The following SGK3 variants were observed in gnomAD, a reference collection of about 807,000 sequenced individuals.
SGK3 encodes serine/threonine-protein kinase Sgk3.
Under a neutral mutation model 68.5 loss-of-function variants are expected in SGK3, and 47 were observed. That is an observed-to-expected ratio of 0.69 (90% CI 0.54 to 0.87). SGK3 has a LOEUF of 0.87. Ranked by LOEUF, SGK3 falls within the 40% of genes least tolerant of loss-of-function variation. The pLI is 0.00. For synonymous variants in SGK3, 181 were observed against 189.1 expected, an observed-to-expected ratio of 0.96 and a Z score of 0.35; for missense variants, 479 against 575.5, an observed-to-expected ratio of 0.83 and a Z score of 1.72.
chr8:66,766,350 C>G (rs1259354942), intron 1 of SGK3, among the ~76,000 whole-genome samples: 2 of 152,018 alleles, frequency 1.3e-5, no homozygotes, highest in African/African-American at 4.8e-5. Flanking sequence ...TGGCAAAACC[C>G]TGTCTCTACT....
chr8:66,753,588 GC>G (rs1354136209), intron 1 of SGK3, among the ~76,000 whole-genome samples: 3 of 152,176 alleles, frequency 2.0e-5, no homozygotes, highest in Non-Finnish European at 4.4e-5. Flanking sequence ...ACTTTGGGAG[GC>G]CCAGGAGGGT....
At chr8:66,768,905 C>T (rs1806412536) in intron 1 of SGK3, among the ~76,000 whole-genome samples, 1 of 152,140 alleles carries the variant, frequency 6.6e-6, no homozygotes. Flanking sequence ...AATATGCTGA[C>T]ATTTTTACCT....
At chr8:66,783,933 A>C (rs1807094502) in intron 1 of SGK3, among the ~76,000 whole-genome samples, 1 of 152,096 alleles carries the variant, frequency 6.6e-6, no homozygotes, top group Non-Finnish European at 1.5e-5. Context: ...TCTGTTGCCC[A>C]GGCTGGAGTG....
intron 10 of SGK3, among the ~76,000 whole-genome samples, chr8:66,839,126 T>C (rs1172104675): frequency 6.6e-6 from 1 of 152,014 alleles, no homozygotes; most frequent in African/African-American, 2.4e-5. Flanking sequence ...AACCCTGTCA[T>C]CCCTGCATTT....
chr8:66,765,063 T>G (rs1367712842), intron 1 of SGK3, among the ~76,000 whole-genome samples: 1 of 152,204 alleles, frequency 6.6e-6, no homozygotes, highest in Non-Finnish European at 1.5e-5. Flanking sequence ...TTCAGTTTTT[T>G]GGGGGTATAT....
At chr8:66,721,331 A>C (rs1451906206) in intron 1 of SGK3, among the ~76,000 whole-genome samples, 1 of 152,174 alleles carries the variant, frequency 6.6e-6, no homozygotes, top group African/African-American at 2.4e-5. Context: ...GCTCTCTGAG[A>C]GTTTGCTCTC....
intron 1 of SGK3, among the ~76,000 whole-genome samples, chr8:66,783,963 C>G (rs974242552): frequency 6.6e-6 from 1 of 152,138 alleles, no homozygotes; most frequent in Non-Finnish European, 1.5e-5. Flanking sequence ...AATCTCAAGG[C>G]TAGCTGTAAT....
chr8:66,779,580 A>G (rs1806878507), intron 1 of SGK3, among the ~76,000 whole-genome samples: 1 of 134,242 alleles, frequency 7.4e-6, no homozygotes, highest in African/African-American at 2.7e-5. Context: ...ATATATATAT[A>G]TATATATATA....
intron 1 of SGK3, among the ~76,000 whole-genome samples, chr8:66,717,772 C>G (rs1179361160): frequency 6.6e-6 from 1 of 152,096 alleles, no homozygotes; most frequent in Non-Finnish European, 1.5e-5. Context: ...GGCATGATCT[C>G]AGCTCACTGC....
At chr8:66,742,682 A>G (rs1805516922) in intron 1 of SGK3, among the ~76,000 whole-genome samples, 1 of 152,160 alleles carries the variant, frequency 6.6e-6, no homozygotes, top group South Asian at 2.1e-4. Flanking sequence ...TTTTTAATTT[A>G]TGTAATTTTT....
chr8:66,859,310 G>T, intron 16 of SGK3, 101 bp from the exon 17 acceptor site: 1 of 1,321,206 alleles, frequency 7.6e-7, no homozygotes, highest in Non-Finnish European at 9.8e-7. Flanking sequence ...TGCCAGCCCA[G>T]GTGGCAGTGT....
chr8:66,844,067 C>T (rs1257951392), intron 14 of SGK3, among the ~76,000 whole-genome samples: 1 of 147,812 alleles, frequency 6.8e-6, no homozygotes, highest in African/African-American at 2.5e-5. Flanking sequence ...AATTGTTTCT[C>T]TGCTATTCTA....
Position 66,843,566 on chromosome 8 carries a change from C to T in SGK3, c.1074+19C>T, listed in dbSNP as rs748499335. On this transcript the variant is annotated intron_variant, in intron 14 of 16. Transcript: ENST00000521198. ...TGGATTGGTATGTATTTCTATACCTCATTATTCCAATGTATTATCATTGAT... is the reference window on the plus strand; with the variant it reads ...TGGATTGGTATGTATTTCTATACCTTATTATTCCAATGTATTATCATTGAT... 2 of 1,595,026 alleles carry T rather than the reference C, an allele frequency of 1.3e-6. No homozygotes were observed. The highest frequency in any genetic ancestry group is 4.5e-5 in the East Asian group (2 of 44,732).
intron 1 of SGK3, among the ~76,000 whole-genome samples, chr8:66,754,992 G>C (rs560202160): frequency 3.3e-5 from 5 of 152,242 alleles, no homozygotes; most frequent in South Asian, 4.1e-4. Flanking sequence ...GGCGTGGTGG[G>C]TCATGCCTGT....
intron 13 of SGK3, among the ~76,000 whole-genome samples, chr8:66,841,748 C>T (rs1190009946): frequency 6.6e-6 from 1 of 152,080 alleles, no homozygotes. Context: ...AAACAAATCA[C>T]AAATCAGAAT....
chr8:66,725,027 C>G (rs968957243), intron 1 of SGK3, among the ~76,000 whole-genome samples: 6 of 152,096 alleles, frequency 3.9e-5, no homozygotes, highest in Non-Finnish European at 7.4e-5. Context: ...GAGATCGAGA[C>G]CATCCTGGCT....
In SGK3 at chr8:66,859,872, G is replaced by T; in HGVS notation, c.*291G>T. The T allele has an allele frequency of 4.4e-6, 1 of 228,712 alleles. No individual in the cohort carries two copies. The highest frequency in any genetic ancestry group is 9.8e-5 in the East Asian group (1 of 10,224). 14.2% of individuals were successfully genotyped at this position (228,712 alleles called of 1,614,324 possible). A position where few individuals can be genotyped will look rare whatever the true frequency, so the allele number is the denominator to read the frequency against. On this transcript the variant is annotated 3_prime_UTR_variant, in exon 17 of 17. Transcript: ENST00000521198. ...AAAGAAACCTTTTTTGCTATTGACT[G>T]TTTTTTCCCTCTAAGTTTACACTAA...
chr8:66,737,393 C>G (rs1398915108), intron 1 of SGK3: 1 of 151,850 alleles, frequency 6.6e-6, no homozygotes, highest in Non-Finnish European at 1.5e-5. Flanking sequence ...AGGAAGAGTT[C>G]TGGATAATAG....
At chr8:66,838,865 G>A (rs909433251) in intron 10 of SGK3, among the ~76,000 whole-genome samples, 1 of 152,022 alleles carries the variant, frequency 6.6e-6, no homozygotes, top group Non-Finnish European at 1.5e-5. Context: ...TTTGACATAC[G>A]AATACTTAGC....
Sources: allele counts gnomAD v4.1 joint callset (sites outside exome capture counted in the v4.1 genomes callset), GRCh38; gene constraint gnomAD v4.1.1; transcripts MANE v1.5; gene names NCBI Gene and HGNC (gene_info 2026-07-23, HGNC 2026-07-21).